SPAG9: variants seen among roughly 807,000 people sequenced by gnomAD.
SPAG9 encodes sperm associated antigen 9.
Under a neutral mutation model 166.5 loss-of-function variants are expected in SPAG9, and 35 were observed. That is an observed-to-expected ratio of 0.21 (90% CI 0.16 to 0.28). The LOEUF is 0.28. Ranked by LOEUF, SPAG9 falls within the 10% of genes least tolerant of loss-of-function variation. The probability of loss-of-function intolerance (pLI) is 1.00; values close to 1 mark genes in which losing one functional copy is unlikely to be tolerated. For synonymous variants in SPAG9, 534 were observed against 565.5 expected (o/e 0.94, Z 0.79); for missense variants, 1,235 against 1,603.3 (o/e 0.77, Z 3.92).
chr17:50,964,674 G>A lies in SPAG9; in HGVS notation c.*1598C>T, dbSNP rs763425649. 4.5e-6 allele frequency: 2 copies of A among 439,890 alleles called. No individual in the cohort carries two copies. Among genetic ancestry groups the A allele is most frequent in the Middle Eastern group, 6.7e-4 (2 of 3,000 alleles). The allele number at this position is 439,890 out of a possible 1,614,324, so 27.2% of individuals were successfully genotyped here. A position where few individuals can be genotyped will look rare whatever the true frequency, so the allele number is the denominator to read the frequency against. On this transcript the variant is annotated 3_prime_UTR_variant, in exon 30 of 30. Coordinates refer to ENST00000262013, the MANE Select transcript of SPAG9 (RefSeq NM_001130528.3). ...CACACATTTTCAAGAAGCTTGAGAG[G>A]GAAAAAATTGCAGCATCGTGGTTTT...
chr17:51,108,982 C>T (rs2144769675), intron 1 of SPAG9, among the ~76,000 whole-genome samples: 1 of 151,822 alleles, frequency 6.6e-6, no homozygotes, highest in East Asian at 2.0e-4. Flanking sequence ...CCTGCCTCAG[C>T]CTCCTGAGTA....
At position 51,079,566 on chromosome 17, in the gene SPAG9, A is replaced by T; in HGVS notation, c.424+18T>A. The T allele has an allele frequency of 6.2e-7, 1 of 1,610,914 alleles. No individual in the cohort carries two copies. The highest frequency in any genetic ancestry group is 1.7e-4 in the Middle Eastern group (1 of 6,046). On this transcript the variant is annotated intron_variant, in intron 2 of 29. Transcript: ENST00000262013. ...GCCCAATCTTTAGTGTACTTATGAG[A>T]AGAAATGTTTTACTTACTCTGGTCA...
chr17:50,990,002 T>A, intron 20 of SPAG9, 130 bp from the exon 21 acceptor site: 1 of 792,978 alleles, frequency 1.3e-6, no homozygotes, highest in Non-Finnish European at 2.1e-6. Context: ...AATTAAGAAT[T>A]CTTCATTCCA....
At chr17:50,969,938 T>C (rs1973650945) in intron 29 of SPAG9, among the ~76,000 whole-genome samples, 1 of 152,228 alleles carries the variant, frequency 6.6e-6, no homozygotes, top group Non-Finnish European at 1.5e-5. Context: ...CTATAATCTA[T>C]TAGACGAAGG....
intron 2 of SPAG9, among the ~76,000 whole-genome samples, chr17:51,062,712 T>G (rs1246098614): frequency 6.6e-6 from 1 of 152,210 alleles, no homozygotes; most frequent in African/African-American, 2.4e-5. Context: ...TGCCTCAGCC[T>G]TCTGAGTAGC....
intron 5 of SPAG9, among the ~76,000 whole-genome samples, chr17:51,035,539 A>G (rs1254205940): frequency 1.3e-5 from 2 of 152,246 alleles, no homozygotes; most frequent in East Asian, 3.8e-4. Context: ...GAACTTAACC[A>G]CAAATGGAGG....
chr17:51,042,761 T>G (rs1423601253), intron 4 of SPAG9, among the ~76,000 whole-genome samples: 1 of 152,208 alleles, frequency 6.6e-6, no homozygotes, highest in African/African-American at 2.4e-5. Flanking sequence ...TCCCAATGCC[T>G]TCTTAAAAAT....
rs538358434 is a variant in SPAG9 at position 51,070,084 on chromosome 17, C to CA, written c.424+9499dup. Among the ~76,000 whole-genome samples the CA allele has an allele frequency of 2.5e-3, 338 of 133,040 alleles. 1 individual carries two copies. Among genetic ancestry groups the CA allele is most frequent in the South Asian group, 0.013 (55 of 4,184 alleles). The allele number at this position is 133,040 out of a possible 152,430, so 87.3% of individuals were successfully genotyped here. The stretch of plus-strand genomic sequence containing the variant: ...GACCCTCATCTCTTAAAAAAAAAAA[C>CA]AAAAAAAAAACCTGTACTCCCCAAA... On this transcript the variant is annotated intron_variant, in intron 2 of 29. Transcript: ENST00000262013.
At chr17:51,035,332 G>A (rs897610102) in intron 5 of SPAG9, among the ~76,000 whole-genome samples, 5 of 152,150 alleles carry the variant, frequency 3.3e-5, no homozygotes, top group Non-Finnish European at 7.3e-5. Flanking sequence ...TGCGTGAAGG[G>A]TATATGGAAC....
chr17:51,048,697 T>G (rs972668590), intron 3 of SPAG9, among the ~76,000 whole-genome samples: 4 of 152,176 alleles, frequency 2.6e-5, no homozygotes, highest in African/African-American at 9.6e-5. Flanking sequence ...TATTAGGAAA[T>G]GTAAGTTAAT....
intron 21 of SPAG9, 47 bp from the exon 22 acceptor site, chr17:50,987,284 T>A: frequency 6.5e-7 from 1 of 1,540,548 alleles, no homozygotes; most frequent in South Asian, 1.2e-5. Flanking sequence ...TACTTAACTA[T>A]CGTTATAGTT....
chr17:51,083,389 C>A (rs1186302259), intron 1 of SPAG9, among the ~76,000 whole-genome samples: 1 of 151,406 alleles, frequency 6.6e-6, no homozygotes, highest in African/African-American at 2.4e-5. Flanking sequence ...TGCCTGCCAC[C>A]GCACCCGGCT....
At chr17:51,091,510 G>T (rs12945508) in intron 1 of SPAG9, among the ~76,000 whole-genome samples, 87,383 of 151,472 alleles carry the variant, frequency 0.58, 25,731 homozygotes, top group African/African-American at 0.66. Flanking sequence ...TGTTGTTGTT[G>T]TTTGCATATT....
At chr17:51,078,275 C>T (rs2048070988) in intron 2 of SPAG9, among the ~76,000 whole-genome samples, 1 of 152,202 alleles carries the variant, frequency 6.6e-6, no homozygotes, top group Admixed American at 6.5e-5. Context: ...TCTAGGACAT[C>T]TGCTTAATAG....
intron 1 of SPAG9, among the ~76,000 whole-genome samples, chr17:51,108,591 G>A (rs1017128657): frequency 6.6e-6 from 1 of 151,930 alleles, no homozygotes; most frequent in Non-Finnish European, 1.5e-5. Context: ...CAACCTCCTG[G>A]GCTCAAGGGA....
intron 23 of SPAG9, 111 bp from the exon 24 acceptor site, chr17:50,985,101 G>T (rs1208133472): frequency 2.5e-6 from 2 of 814,362 alleles, no homozygotes; most frequent in Non-Finnish European, 4.2e-6. Context: ...GATGAGTTAA[G>T]GAGCTGACAC....
intron 27 of SPAG9, chr17:50,976,783 T>G (rs1974239228): frequency 1.6e-5 from 3 of 192,954 alleles, no homozygotes; most frequent in Non-Finnish European, 3.2e-5. Context: ...AAAACTAAGA[T>G]GAATGCTAGG....
intron 2 of SPAG9, among the ~76,000 whole-genome samples, chr17:51,065,646 A>AC (rs1377301265): frequency 6.6e-6 from 1 of 152,204 alleles, no homozygotes; most frequent in African/African-American, 2.4e-5. Context: ...AGCTGAGGCA[A>AC]AGACTGGCCA....
Position 51,120,621 on chromosome 17 carries a change from C to G in SPAG9, c.36G>C (p.Glu12Asp), listed in dbSNP as rs771164093. 1.4e-5 allele frequency: 23 copies of G among 1,611,360 alleles called. No homozygotes were observed. The highest frequency in any genetic ancestry group is 1.9e-5 in the Non-Finnish European group (22 of 1,179,130). ...ACATCACGGCCCCGGAGCCGCCGGG[C>G]TCCTCCTGATACACCACACCGTCCT... is the stretch of plus-strand genomic sequence containing the variant. ...ELEDGVVYQE[E>D]PGGSGAVMSE... The change falls in exon 1 of 30, where the codon GAG (glutamate) becomes GAC (aspartate). Residue 12 changes from glutamate to aspartate, a missense_variant. Glu to Asp is a conservative substitution (Grantham distance 45). Coordinates refer to ENST00000262013, the MANE Select transcript of SPAG9 (RefSeq NM_001130528.3). This position sits in a 1 kb window ranked among gnomAD's most constrained non-coding sequence, Gnocchi z 4.7.
Sources: allele counts gnomAD v4.1 joint callset (sites outside exome capture counted in the v4.1 genomes callset), GRCh38; gene constraint gnomAD v4.1.1; non-coding constraint Gnocchi (gnomAD v3.1); transcripts MANE v1.5; gene names NCBI Gene and HGNC (gene_info 2026-07-23, HGNC 2026-07-21).